MPDZ: variants seen among roughly 807,000 people sequenced by gnomAD.
MPDZ encodes the protein multiple PDZ domain protein.
Under a neutral mutation model 239.1 loss-of-function variants are expected in MPDZ, and 234 were observed. The ratio of observed to expected loss-of-function variants is 0.98; its 90% CI spans 0.88 to 1.09. MPDZ has a LOEUF of 1.09. Ranked by LOEUF, MPDZ falls within the 50% of genes least tolerant of loss-of-function variation. The pLI, the probability that MPDZ is intolerant of heterozygous loss-of-function variation, is 0.00. For synonymous variants in MPDZ, 1,048 were observed against 881.3 expected (o/e 1.19, Z -3.35); for missense variants, 3,175 against 2,510.0 (o/e 1.26, Z -5.66).
chr9:13,212,791 TAAAA>T (rs145889448), intron 10 of MPDZ, among the ~76,000 whole-genome samples: 2 of 110,586 alleles, frequency 1.8e-5, no homozygotes, highest in Non-Finnish European at 3.6e-5. Context: ...GGTCAAGGTT[TAAAA>T]AAAAAAAAAA....
chr9:13,114,615 C>G (rs1188418222), intron 40 of MPDZ, among the ~76,000 whole-genome samples: 2 of 152,016 alleles, frequency 1.3e-5, no homozygotes, highest in African/African-American at 4.8e-5. Context: ...AATATGTTAT[C>G]TTGGGGCCAG....
In MPDZ at chr9:13,279,300, A is replaced by ACCCCCACCCCCACCCCCGC. The variant is rs1564192632; in HGVS notation, c.-58+99_-58+100insGCGGGGGTGGGGGTGGGGG. 120 of 115,820 alleles carry ACCCCCACCCCCACCCCCGC rather than the reference A, an allele frequency of 1.0e-3. 5 individuals carry two copies. Among genetic ancestry groups the ACCCCCACCCCCACCCCCGC allele is most frequent in the Non-Finnish European group, 9.7e-4 (53 of 54,374 alleles). 7.2% of individuals were successfully genotyped at this position (115,820 alleles called of 1,614,324 possible). Reference sequence around the variant, plus strand: ...ATCCCCGCCCCCACCCCCACCCCCAAGCGCCGAGCCCAGGGCGCCCGCGCA... The same window carrying ACCCCCACCCCCACCCCCGC: ...ATCCCCGCCCCCACCCCCACCCCCAACCCCCACCCCCACCCCCGCGCGCCGAGCCCAGGGCGCCCGCGCA... On this transcript the variant is annotated intron_variant, in intron 1 of 46. Transcript: ENST00000319217.
At chr9:13,173,575 G>A (rs1375232338) in intron 21 of MPDZ, among the ~76,000 whole-genome samples, 1 of 151,664 alleles carries the variant, frequency 6.6e-6, no homozygotes, top group Non-Finnish European at 1.5e-5. Flanking sequence ...TGGTGGCAGA[G>A]GCCTGTAATC....
chr9:13,160,809 T>C (rs1587383730), intron 23 of MPDZ, among the ~76,000 whole-genome samples: 1 of 132,660 alleles, frequency 7.5e-6, no homozygotes, highest in African/African-American at 2.7e-5. Flanking sequence ...TGCAGACTTT[T>C]TTTTCTTGTC....
chr9:13,150,787 G>A, intron 24 of MPDZ, 99 bp from the exon 25 acceptor site: 8 of 751,130 alleles, frequency 1.1e-5, no homozygotes, highest in Non-Finnish European at 1.3e-5. Context: ...TAACACCAAA[G>A]GCACAGAGAA....
intron 12 of MPDZ, among the ~76,000 whole-genome samples, chr9:13,198,735 CTCTGTGTGTG>C (rs1331629953): frequency 4.3e-3 from 74 of 17,130 alleles, no homozygotes; most frequent in Middle Eastern, 0.062. Flanking sequence ...TAATCTCTCT[CTCTGTGTGTG>C]TGTGTGTGTG....
chr9:13,111,954 A>T (rs765985849), intron 43 of MPDZ, 70 bp downstream of exon 43: 23 of 1,521,466 alleles, frequency 1.5e-5, no homozygotes, highest in Non-Finnish European at 1.8e-5. Flanking sequence ...ACAGGTAGCC[A>T]GGTTCAAAGG....
chr9:13,131,583 T>C (rs542138819), intron 32 of MPDZ, among the ~76,000 whole-genome samples: 49 of 152,260 alleles, frequency 3.2e-4, no homozygotes, highest in Non-Finnish European at 4.6e-4. Context: ...CCCTGTAGCA[T>C]AAATAATCCT....
chr9:13,125,383 C>T lies in MPDZ; in HGVS notation c.4640G>A (p.Ser1547Asn). 2 of 1,613,060 alleles carry T rather than the reference C, an allele frequency of 1.2e-6. No homozygotes were observed. The highest frequency in any genetic ancestry group is 8.5e-7 in the Non-Finnish European group (1 of 1,179,246). Residue 1547 changes from serine (S) to asparagine (N), a missense_variant, in exon 35 of 47, where the codon AGC (serine) becomes AAC (asparagine). Ser to Asn is a conservative substitution (Grantham distance 46). Transcript: ENST00000319217. ...TGTCATCTTTGCTGTCTTCAGAAGG[C>T]TAATAAACTGGCAGGGTGTATGTGT... ...VVGYPIEKFI[S>N]LLKTAKMTVK...
intron 3 of MPDZ, among the ~76,000 whole-genome samples, chr9:13,239,372 C>T (rs765410860): frequency 4.6e-5 from 7 of 152,106 alleles, no homozygotes; most frequent in Non-Finnish European, 7.4e-5. Flanking sequence ...ACCCCATTTC[C>T]CTATCTATAA....
chr9:13,107,564 C>A (rs1341011294), intron 46 of MPDZ, among the ~76,000 whole-genome samples: 4 of 152,110 alleles, frequency 2.6e-5, no homozygotes, highest in Admixed American at 6.5e-5. Context: ...CAAAGGTCTG[C>A]AAAAGCACAA....
At chr9:13,119,103 T>G (rs1045952588) in intron 39 of MPDZ, among the ~76,000 whole-genome samples, 6 of 152,198 alleles carry the variant, frequency 3.9e-5, no homozygotes, top group Non-Finnish European at 8.8e-5. Flanking sequence ...TTTAAAAGAT[T>G]TGAGATGACT....
chr9:13,122,021 AAG>A, intron 37 of MPDZ, 64 bp downstream of exon 37: 1 of 1,602,318 alleles, frequency 6.2e-7, no homozygotes, highest in South Asian at 1.1e-5. Context: ...GAAGCAAAGA[AAG>A]AAACACTCCC....
At chr9:13,262,436 G>T (rs2138800389) in intron 1 of MPDZ, among the ~76,000 whole-genome samples, 1 of 152,126 alleles carries the variant, frequency 6.6e-6, no homozygotes, top group East Asian at 1.9e-4. Flanking sequence ...GGCCGACAGA[G>T]AAAGACCCTG....
intron 1 of MPDZ, among the ~76,000 whole-genome samples, chr9:13,257,744 G>T (rs536661761): frequency 6.6e-6 from 1 of 152,080 alleles, no homozygotes; most frequent in Non-Finnish European, 1.5e-5. Flanking sequence ...TTAATAGAGG[G>T]TTGCCAGATT....
chr9:13,236,960 G>A (rs1246651877), intron 3 of MPDZ, among the ~76,000 whole-genome samples: 1 of 150,800 alleles, frequency 6.6e-6, no homozygotes, highest in Non-Finnish European at 1.5e-5. Context: ...TCTTATTATT[G>A]TTACTGGGTG....
At chr9:13,233,851 A>G (rs1963224621) in intron 3 of MPDZ, among the ~76,000 whole-genome samples, 1 of 152,172 alleles carries the variant, frequency 6.6e-6, no homozygotes, top group African/African-American at 2.4e-5. Context: ...GAGCACAGGA[A>G]CTAAATAACT....
At chr9:13,135,428 G>A in intron 31 of MPDZ, 1 of 152,090 alleles carries the variant, frequency 6.6e-6, no homozygotes. Context: ...CTTTAGTTCA[G>A]GTCCTTGTTA....
intron 26 of MPDZ, among the ~76,000 whole-genome samples, chr9:13,144,692 T>G (rs1480884257): frequency 6.6e-6 from 1 of 152,098 alleles, no homozygotes; most frequent in Non-Finnish European, 1.5e-5. Flanking sequence ...TATGCCACAT[T>G]ACCCTTTCAA....
Sources: gnomAD v4.1 joint callset for allele counts (sites outside exome capture counted in the v4.1 genomes callset) on GRCh38, gnomAD v4.1.1 for gene constraint, MANE v1.5 for transcripts, NCBI Gene and HGNC (gene_info 2026-07-23, HGNC 2026-07-21) for gene names.